Variants in ITPRID1 observed in about 807,000 individuals in gnomAD.
ITPRID1 encodes the protein protein ITPRID1.
In ITPRID1, 96 loss-of-function variants were observed where a neutral mutation model predicts 95.4. That is an observed-to-expected ratio of 1.01 (90% confidence interval 0.85 to 1.19). ITPRID1 has a LOEUF of 1.19. ITPRID1 is among the 50% of genes most tolerant of loss of function. The probability of loss-of-function intolerance (pLI) is 0.00; values close to 1 mark genes in which losing one functional copy is unlikely to be tolerated. For missense variants in ITPRID1, 1,339 were observed against 1,252.9 expected, an observed-to-expected ratio of 1.07 and a Z score of -1.04; for synonymous variants, 510 against 453.6, an observed-to-expected ratio of 1.12 and a Z score of -1.58.
rs1256823249 is a variant in ITPRID1 at position 31,599,647 on chromosome 7, T to TC, written c.1228+16456_1228+16457insC. Among the ~76,000 whole-genome samples, 35 of 23,084 alleles carry TC rather than the reference T, an allele frequency of 1.5e-3. 2 individuals carry two copies. The highest frequency in any genetic ancestry group is 5.4e-3 in the African/African-American group (35 of 6,454). The allele number at this position is 23,084 out of a possible 152,430, so 15.1% of individuals were successfully genotyped here. On this transcript the variant is annotated intron_variant, in intron 10 of 14. Transcript: ENST00000615280. ...TTTCTTTCTTTCTTTCTTTCTTTCTTTTTCTTTCTTTCCTTTCTCTCTCTC... is the reference window on the plus strand; with the variant it reads ...TTTCTTTCTTTCTTTCTTTCTTTCTTCTTTCTTTCTTTCCTTTCTCTCTCTC...
At chr7:31,637,499 A>AT (rs1432908951) in intron 10 of ITPRID1, among the ~76,000 whole-genome samples, 1 of 152,002 alleles carries the variant, frequency 6.6e-6, no homozygotes, top group African/African-American at 2.4e-5. Context: ...GATGATGAGC[A>AT]TTTTTTCATG....
At chr7:31,516,927 C>T (rs142975090) in intron 1 of ITPRID1, among the ~76,000 whole-genome samples, 137 of 152,288 alleles carry the variant, frequency 9.0e-4, no homozygotes, top group African/African-American at 2.7e-3. Context: ...TTCTGACGTT[C>T]GGACCTGTCC....
At chr7:31,645,133 G>A (rs1990371) in intron 12 of ITPRID1, among the ~76,000 whole-genome samples, 8,560 of 152,220 alleles carry the variant, frequency 0.056, 814 homozygotes, top group African/African-American at 0.19. Flanking sequence ...TCCAAATTCA[G>A]ATTCAATTTG....
intron 12 of ITPRID1, among the ~76,000 whole-genome samples, chr7:31,647,643 C>G (rs1790589938): frequency 6.9e-6 from 1 of 144,102 alleles, no homozygotes; most frequent in Non-Finnish European, 1.5e-5. Context: ...CACTGCACTC[C>G]AGCCTGAGCA....
intron 1 of ITPRID1, among the ~76,000 whole-genome samples, chr7:31,515,130 A>G (rs1783004938): frequency 6.6e-6 from 1 of 152,082 alleles, no homozygotes; most frequent in Admixed American, 6.5e-5. Context: ...AAGGCAAGAG[A>G]TCAAGAAGTG....
chr7:31,521,340 T>C (rs1294572339), intron 1 of ITPRID1, among the ~76,000 whole-genome samples: 1 of 152,204 alleles, frequency 6.6e-6, no homozygotes, highest in Non-Finnish European at 1.5e-5. Context: ...TGTTATTTAG[T>C]AGTGCATTAA....
rs184546663 is a variant in ITPRID1, at chr7:31,654,297, C to T, written c.*1468C>T. 1.8e-4 allele frequency among the ~76,000 whole-genome samples: 27 copies of T among 152,142 alleles called. No individual in the cohort carries two copies. The highest frequency in any genetic ancestry group is 4.2e-4 in the South Asian group (2 of 4,816). The stretch of plus-strand genomic sequence containing the variant: ...GCAGAAGGAATGGAAAGTTAACAGG[C>T]CCCCAGATGTAGAGATAGCCAGTGC... On this transcript the variant is annotated 3_prime_UTR_variant, in exon 15 of 15. Transcript: ENST00000615280.
Position 31,574,673 on chromosome 7 carries a change from G to T in ITPRID1, c.529G>T (p.Gly177Ter). 1 of 1,613,844 alleles carries T rather than the reference G, an allele frequency of 6.2e-7. No homozygotes were observed. Among genetic ancestry groups the T allele is most frequent in the Non-Finnish European group, 8.5e-7 (1 of 1,179,834 alleles). ...CCTTGGTTGTGGCTCAGCAGCCAGAGGAATCAACATCCGTGTTTTTCTTGA... is the reference window on the plus strand; with the variant it reads ...CCTTGGTTGTGGCTCAGCAGCCAGATGAATCAACATCCGTGTTTTTCTTGA... ...RFLGCGSAARGINIRVFLEAQ... is the reference protein window; with the variant it reads ...RFLGCGSAAR Residue 177 changes from glycine (G) to a stop codon, truncating the protein, a stop_gained, in exon 8 of 15, where the codon GGA becomes TGA. Transcript: ENST00000615280. LOFTEE classifies it high-confidence loss of function.
At chr7:31,622,116 T>A (rs1239278673) in intron 10 of ITPRID1, among the ~76,000 whole-genome samples, 3 of 135,092 alleles carry the variant, frequency 2.2e-5, no homozygotes, top group African/African-American at 8.4e-5. Flanking sequence ...AAGTCCTGAG[T>A]GACCTACAAA....
Position 31,574,638 on chromosome 7 carries a change from C to T in ITPRID1, c.494C>T (p.Pro165Leu). The T allele has an allele frequency of 1.2e-6, 2 of 1,613,886 alleles. No homozygotes were observed. The highest frequency in any genetic ancestry group is 8.5e-7 in the Non-Finnish European group (1 of 1,179,850). Reference sequence around the variant, plus strand: ...GAGCCAGACATCTGCATGCAAATCCCAGCCAGATTCCTTGGTTGTGGCTCA... The same window carrying T: ...GAGCCAGACATCTGCATGCAAATCCTAGCCAGATTCCTTGGTTGTGGCTCA... ...ADEPDICMQI[P>L]ARFLGCGSAA... Residue 165 changes from proline (P) to leucine (L), a missense_variant, in exon 8 of 15, where the codon CCA becomes CTA. Transcript: ENST00000615280.
rs749280160 is a variant in ITPRID1 at position 31,643,283 on chromosome 7, G to T, written c.1913G>T (p.Ser638Ile). Residue 638 changes from serine to isoleucine, a missense_variant, in exon 12 of 15, where the codon AGC becomes ATC. Physicochemically the swap from Ser to Ile is moderately radical, Grantham distance 142. Coordinates refer to ENST00000615280, the MANE Select transcript of ITPRID1 (RefSeq NM_001257967.3). ...AACCACAGCTTACTCGTACCAGAAAGCTCATCACAGTGTATCCCCAAGCAC... is the reference window on the plus strand; with the variant it reads ...AACCACAGCTTACTCGTACCAGAAATCTCATCACAGTGTATCCCCAAGCAC... The part of the protein sequence containing the change: ...HTNHSLLVPE[S>I]SSQCIPKHSE... 6.8e-5 allele frequency: 109 copies of T among 1,613,694 alleles called. 3 individuals carry two copies. The Admixed American group carries it at 1.8e-3, about 26-fold the overall frequency.
In ITPRID1 at chr7:31,578,014, A is replaced by G; in HGVS notation, c.750A>G (p.Arg250=). 1 of 1,613,866 alleles carries G rather than the reference A, an allele frequency of 6.2e-7. No individual in the cohort carries two copies. The highest frequency in any genetic ancestry group is 8.5e-7 in the Non-Finnish European group (1 of 1,179,854). ...CAGTGAGTGCCGCCAAAGAGCATCG[A>G]AGAAGAATGGGTAAACTCTTAAGGA... is the stretch of plus-strand genomic sequence containing the variant. ...RTSVSAAKEH[R]RRMGKLLRRA... The change falls in exon 9 of 15, where the codon CGA becomes CGG. Residue 250 remains arginine (R), a synonymous_variant. Transcript: ENST00000615280.
chr7:31,642,950 C>A lies in ITPRID1; in HGVS notation c.1580C>A (p.Thr527Asn), dbSNP rs1032788125. 6.2e-7 allele frequency: 1 copy of A among 1,613,934 alleles called. No individual in the cohort carries two copies. The highest frequency in any genetic ancestry group is 1.3e-5 in the African/African-American group (1 of 74,952). ...LYIPDMACAK[T>N]TTRGECPRKD... ...ATCCCAGACATGGCCTGTGCCAAGA[C>A]CACCACGAGGGGAGAATGCCCAAGG... The change falls in exon 12 of 15, where the codon ACC (threonine) becomes AAC (asparagine). Residue 527 changes from threonine (T) to asparagine (N), a missense_variant. Transcript: ENST00000615280.
At chr7:31,549,578 T>A (rs1468040295) in intron 2 of ITPRID1, 79 bp downstream of exon 2, 1 of 1,015,494 alleles carries the variant, frequency 9.8e-7, no homozygotes, top group African/African-American at 1.6e-5. Flanking sequence ...ATTATAGATA[T>A]GAGGAAATAG....
intron 1 of ITPRID1, among the ~76,000 whole-genome samples, chr7:31,515,674 C>A (rs1783020908): frequency 6.6e-6 from 1 of 152,150 alleles, no homozygotes; most frequent in Non-Finnish European, 1.5e-5. Context: ...CAAGGATTGG[C>A]AACAACTTGA....
At chr7:31,526,534 A>G (rs531704893) in intron 1 of ITPRID1, among the ~76,000 whole-genome samples, 1 of 152,336 alleles carries the variant, frequency 6.6e-6, no homozygotes, top group South Asian at 2.1e-4. Flanking sequence ...GTAAGACTTT[A>G]ACTGTGAGGC....
At chr7:31,606,937 A>C (rs1786650977) in intron 10 of ITPRID1, among the ~76,000 whole-genome samples, 1 of 151,276 alleles carries the variant, frequency 6.6e-6, no homozygotes, top group Admixed American at 6.6e-5. Flanking sequence ...CTTGGTATCT[A>C]CTCTTTTGGT....
rs879902032 is a variant in ITPRID1 at position 31,652,417 on chromosome 7, A to C, written c.2824-101A>C. The C allele has an allele frequency of 1.9e-5, 28 of 1,463,144 alleles. No individual in the cohort carries two copies. In the African/African-American group the frequency reaches 3.3e-4, roughly 17 times the overall value. The allele number at this position is 1,463,144 out of a possible 1,614,324, so 90.6% of individuals were successfully genotyped here. A position where few individuals can be genotyped will look rare whatever the true frequency, so the allele number is the denominator to read the frequency against. ...TGCTGGCTCAAAGAGCCCATTCTAG[A>C]GAATCGACCACCTCATAATGCCTAG... is the stretch of plus-strand genomic sequence containing the variant. On this transcript the variant is annotated intron_variant, in intron 14 of 14. Coordinates refer to ENST00000615280, the MANE Select transcript of ITPRID1 (RefSeq NM_001257967.3).
At chr7:31,567,339 T>A (rs1415175652) in intron 5 of ITPRID1, among the ~76,000 whole-genome samples, 7 of 152,324 alleles carry the variant, frequency 4.6e-5, no homozygotes, top group South Asian at 2.1e-4. Flanking sequence ...CATCTTACCC[T>A]GTTTCTTTTT....
Sources: allele counts gnomAD v4.1 joint callset (sites outside exome capture counted in the v4.1 genomes callset), GRCh38; gene constraint gnomAD v4.1.1; transcripts MANE v1.5; gene names NCBI Gene and HGNC (gene_info 2026-07-23, HGNC 2026-07-21).